The following EVC2 variants were observed in gnomAD, a reference collection of about 807,000 sequenced individuals.
EVC2 encodes EvC ciliary complex subunit 2.
Under a neutral mutation model 149.3 loss-of-function variants are expected in EVC2, and 148 were observed. That is an observed-to-expected ratio of 0.99 (90% CI 0.87 to 1.14). The LOEUF (loss-of-function observed/expected upper bound fraction) is 1.14, where lower values mean the gene tolerates loss of function less well. Ranked by LOEUF, EVC2 falls within the 50% of genes most tolerant of loss-of-function variation. The probability of loss-of-function intolerance (pLI) is 0.00; values close to 1 mark genes in which losing one functional copy is unlikely to be tolerated. For missense variants in EVC2, 1,854 were observed against 1,627.3 expected (o/e 1.14, Z -2.40); for synonymous variants, 776 against 649.9 (o/e 1.19, Z -2.95).
intron 9 of EVC2, among the ~76,000 whole-genome samples, chr4:5,650,636 T>TAGAGAGAG (rs1412059399): frequency 2.2e-3 from 121 of 55,640 alleles, no homozygotes; most frequent in Non-Finnish European, 3.5e-3. Flanking sequence ...TATATATATA[T>TAGAGAGAG]ATAGAGAGAG....
chr4:5,617,016 A>G (rs886629989), intron 15 of EVC2, among the ~76,000 whole-genome samples: 4 of 152,188 alleles, frequency 2.6e-5, no homozygotes, highest in Non-Finnish European at 5.9e-5. Flanking sequence ...AAATATTTAA[A>G]ATTTTTGATA....
chr4:5,640,706 T>C lies in EVC2; in HGVS notation c.1278A>G (p.Arg426=). 1 of 1,614,164 alleles carries C rather than the reference T, an allele frequency of 6.2e-7. No homozygotes were observed. Among genetic ancestry groups the C allele is most frequent in the Non-Finnish European group, 8.5e-7 (1 of 1,180,034 alleles). Residue 426 remains arginine, a synonymous_variant, in exon 10 of 22, where the codon AGA becomes AGG. Transcript: ENST00000344408. This position sits in a 1 kb window ranked among gnomAD's most constrained non-coding sequence, Gnocchi z 4.6. ...GCTTTTTGAAAACAGCACTCATTTT[T>C]CTCTCTACTTGGGGTGAGAGGTGGC... The part of the protein sequence containing the change: ...SSGHLSPQVE[R]KMSAVFKKQF...
At chr4:5,652,536 G>A (rs1289930494) in intron 9 of EVC2, among the ~76,000 whole-genome samples, 3 of 152,160 alleles carry the variant, frequency 2.0e-5, no homozygotes, top group African/African-American at 7.2e-5. Flanking sequence ...CGAGACGAAG[G>A]TGTCAGCTCA....
At chr4:5,635,075 C>T (rs190207323) in intron 10 of EVC2, among the ~76,000 whole-genome samples, 8 of 108,420 alleles carry the variant, frequency 7.4e-5, no homozygotes, top group Non-Finnish European at 1.0e-4. Flanking sequence ...CTCACTCTTT[C>T]GCCCAGGCTG....
Position 5,634,937 on chromosome 4 carries a change from G to A in EVC2, c.1471-2905C>T, listed in dbSNP as rs563527728. 2.1e-3 allele frequency among the ~76,000 whole-genome samples: 325 copies of A among 151,792 alleles called. 3 individuals carry two copies. Among genetic ancestry groups the A allele is most frequent in the African/African-American group, 7.2e-3 (298 of 41,338 alleles). On this transcript the variant is annotated intron_variant, in intron 10 of 21. Coordinates refer to ENST00000344408, the MANE Select transcript of EVC2 (RefSeq NM_147127.5). ...CACCAAAGGGCTCTGCAGGAATACG[G>A]ACTCAACACAGCTCAGTCTTCCCAT... is the stretch of plus-strand genomic sequence containing the variant.
In EVC2 at chr4:5,576,377, C is replaced by G. The variant is rs767047805; in HGVS notation, c.3135G>C (p.Ala1045=). The G allele has an allele frequency of 1.9e-6, 3 of 1,614,100 alleles. No homozygotes were observed. Among genetic ancestry groups the G allele is most frequent in the Non-Finnish European group, 2.5e-6 (3 of 1,179,996 alleles). ...CATCGGCCACCCACTGCTGCCAGCT[C>G]GCCAGGGCCTGCTGCTGCTGGGCTG... ...QEAAQQQQAL[A]SWQQWVADGP... is the part of the protein sequence containing the mutation. Residue 1045 remains alanine, a synonymous_variant, in exon 18 of 22, where the codon GCG becomes GCC. Coordinates refer to ENST00000344408, the MANE Select transcript of EVC2 (RefSeq NM_147127.5). This position sits in a 1 kb window ranked among gnomAD's most constrained non-coding sequence, Gnocchi z 4.5.
chr4:5,601,089 C>A (rs150147673), intron 16 of EVC2, among the ~76,000 whole-genome samples: 119 of 152,270 alleles, frequency 7.8e-4, no homozygotes, highest in African/African-American at 2.7e-3. Context: ...GATGAAAGAT[C>A]TAAAGATACT....
At chr4:5,542,322 G>T (rs570640826), downstream of EVC2, among the ~76,000 whole-genome samples, 2 of 152,216 alleles carry the variant, frequency 1.3e-5, no homozygotes, top group South Asian at 4.1e-4. Flanking sequence ...AGGCATAGTG[G>T]CGCATGTCTG....
intron 7 of EVC2, among the ~76,000 whole-genome samples, chr4:5,674,416 T>C (rs1208657901): frequency 2.0e-5 from 3 of 152,146 alleles, no homozygotes; most frequent in Non-Finnish European, 4.4e-5. Context: ...TGGGACTAGA[T>C]AATCTTTAAG....
At chr4:5,580,104 T>C (rs1014714132) in intron 17 of EVC2, among the ~76,000 whole-genome samples, 2 of 149,910 alleles carry the variant, frequency 1.3e-5, no homozygotes, top group Non-Finnish European at 2.9e-5. Context: ...TTCTTAGGAG[T>C]AATTTCTTCC....
At chr4:5,538,906 G>A (rs1056245221), downstream of EVC2, among the ~76,000 whole-genome samples, 14 of 152,052 alleles carry the variant, frequency 9.2e-5, no homozygotes, top group African/African-American at 3.1e-4. Flanking sequence ...GGTTATATCC[G>A]CTCTCACCAA....
chr4:5,676,493 C>T (rs534226865), intron 7 of EVC2, among the ~76,000 whole-genome samples: 155 of 152,254 alleles, frequency 1.0e-3, no homozygotes, highest in Non-Finnish European at 8.2e-4. Flanking sequence ...TGGTGTAATC[C>T]CACTATCTCT....
At chr4:5,689,394 T>C in intron 4 of EVC2, 51 bp from the exon 5 acceptor site, 2 of 1,600,620 alleles carry the variant, frequency 1.2e-6, no homozygotes, top group Non-Finnish European at 8.5e-7. Flanking sequence ...AAGTCCAGCT[T>C]CCTAAAATGG....
downstream of EVC2, among the ~76,000 whole-genome samples, chr4:5,561,056 A>G (rs979033720): frequency 3.9e-5 from 6 of 152,242 alleles, no homozygotes; most frequent in Non-Finnish European, 7.3e-5. Flanking sequence ...TGTTGCTAAC[A>G]GCCTCTTCAA....
intron 1 of EVC2, among the ~76,000 whole-genome samples, chr4:5,703,262 C>T (rs529411105): frequency 3.0e-4 from 46 of 152,216 alleles, no homozygotes; most frequent in Non-Finnish European, 4.9e-4. Context: ...TTATTATCAC[C>T]GCTCTTGTTA....
intron 1 of EVC2, among the ~76,000 whole-genome samples, chr4:5,705,020 C>T (rs1722045520): frequency 6.6e-6 from 1 of 152,154 alleles, no homozygotes; most frequent in South Asian, 2.1e-4. Context: ...GTTCCCTTAA[C>T]TCAGAATTCC....
rs970272943 is a variant in EVC2 at position 5,614,162 on chromosome 4, G to A, written c.2829+1260C>T. 1.3e-5 allele frequency among the ~76,000 whole-genome samples: 2 copies of A among 152,152 alleles called. No homozygotes were observed. The highest frequency in any genetic ancestry group is 4.8e-5 in the African/African-American group (2 of 41,426). On this transcript the variant is annotated intron_variant, in intron 16 of 21. Coordinates refer to ENST00000344408, the MANE Select transcript of EVC2 (RefSeq NM_147127.5). The surrounding 1 kb of genome is among the most constrained non-coding windows in gnomAD (Gnocchi z 4.7). ...GCGTCTACTCTTAAGCAGCACCTTT[G>A]CAGAGGAGACCCTGCCTCCTCTCCT...
intron 10 of EVC2, among the ~76,000 whole-genome samples, chr4:5,638,706 T>C (rs913000160): frequency 6.6e-6 from 1 of 152,192 alleles, no homozygotes; most frequent in Non-Finnish European, 1.5e-5. Context: ...GAGATCATCC[T>C]GGATTATTTA....
At chr4:5,600,693 T>G (rs912866718) in intron 16 of EVC2, among the ~76,000 whole-genome samples, 1 of 152,224 alleles carries the variant, frequency 6.6e-6, no homozygotes, top group African/African-American at 2.4e-5. Context: ...ACTGCAGATC[T>G]ACCTTCCCAA....
Sources: allele counts gnomAD v4.1 joint callset (sites outside exome capture counted in the v4.1 genomes callset), GRCh38; gene constraint gnomAD v4.1.1; non-coding constraint Gnocchi (gnomAD v3.1); transcripts MANE v1.5; gene names NCBI Gene and HGNC (gene_info 2026-07-23, HGNC 2026-07-21).